Variants in CYTH1 observed in about 807,000 individuals in gnomAD.
CYTH1 encodes the protein cytohesin 1.
A neutral mutation model predicts 61.8 loss-of-function variants in CYTH1; 18 were observed. The ratio of observed to expected loss-of-function variants is 0.29; its 90% CI spans 0.20 to 0.43. The LOEUF (loss-of-function observed/expected upper bound fraction) is 0.43. Among genes scored for constraint, CYTH1 ranks in the 20% least tolerant of loss-of-function variants. The pLI is 1.00. For synonymous variants in CYTH1, 174 were observed against 184.3 expected (o/e 0.94, Z 0.45); for missense variants, 336 against 510.5 (o/e 0.66, Z 3.29).
rs77706587 is a variant in CYTH1, at chr17:78,698,144, C to G, written c.811+125G>C. ...ACATGCATGCGCGTGCACACACACG[C>G]ACGCGCACACATGCACACGCACAAA... On this transcript the variant is annotated intron_variant, in intron 9 of 13. Transcript: ENST00000446868. 2,587 of 799,248 alleles carry G rather than the reference C, an allele frequency of 3.2e-3. 34 individuals carry two copies. In the African/African-American group the frequency reaches 0.039, roughly 12 times the overall value. 49.5% of individuals were successfully genotyped at this position (799,248 alleles called of 1,614,324 possible). A position where few individuals can be genotyped will look rare whatever the true frequency, so the allele number is the denominator to read the frequency against.
chr17:78,720,201 C>T (rs537661725), intron 1 of CYTH1, among the ~76,000 whole-genome samples: 2 of 152,252 alleles, frequency 1.3e-5, no homozygotes, highest in African/African-American at 4.8e-5. Flanking sequence ...GAATGTACTA[C>T]TGAACTTAAC....
chr17:78,751,201 A>AC (rs966281353), intron 1 of CYTH1, among the ~76,000 whole-genome samples: 1 of 151,862 alleles, frequency 6.6e-6, no homozygotes, highest in African/African-American at 2.4e-5. Flanking sequence ...CTGGTCTCAA[A>AC]CCCCTGGGCT....
At chr17:78,768,072 A>T (rs1157015182) in intron 1 of CYTH1, among the ~76,000 whole-genome samples, 1 of 152,208 alleles carries the variant, frequency 6.6e-6, no homozygotes, top group Non-Finnish European at 1.5e-5. Context: ...GTTTTCATTC[A>T]AGACTGGCTC....
chr17:78,724,937 G>A (rs985944509), intron 1 of CYTH1, among the ~76,000 whole-genome samples: 1 of 152,198 alleles, frequency 6.6e-6, no homozygotes, highest in Non-Finnish European at 1.5e-5. Context: ...AGTGTCAAGA[G>A]AGTAGTACTT....
At chr17:78,779,068 T>A (rs1474212860) in intron 1 of CYTH1, among the ~76,000 whole-genome samples, 1 of 152,178 alleles carries the variant, frequency 6.6e-6, no homozygotes, top group Non-Finnish European at 1.5e-5. Context: ...TCAATCTTTT[T>A]AGTTCCTCCA....
intron 1 of CYTH1, among the ~76,000 whole-genome samples, chr17:78,737,455 T>C (rs555715482): frequency 3.3e-5 from 5 of 152,304 alleles, no homozygotes; most frequent in East Asian, 3.9e-4. Context: ...GAAAGCCGAC[T>C]ACATTTTCTT....
At chr17:78,736,717 C>T in intron 1 of CYTH1, 1 of 425,652 alleles carries the variant, frequency 2.3e-6, no homozygotes, top group South Asian at 1.7e-5. Flanking sequence ...TTTTAAGGAC[C>T]ATCTTGTTTC....
Position 78,776,396 on chromosome 17 carries a change from C to A in CYTH1, c.22+5806G>T, listed in dbSNP as rs1220188252. On this transcript the variant is annotated intron_variant, in intron 1 of 13. Coordinates refer to ENST00000446868, the MANE Select transcript of CYTH1 (RefSeq NM_004762.6). The stretch of plus-strand genomic sequence containing the variant: ...CACAAGCCAGGCGCAATGGCTCACA[C>A]CTGTAATCCCGGCACTTTGGGAGGC... Among the ~76,000 whole-genome samples the A allele has an allele frequency of 2.6e-5, 4 of 152,162 alleles. No homozygotes were observed. The East Asian group carries it at 7.7e-4, about 29-fold the overall frequency.
rs193182159 is a variant in CYTH1, at chr17:78,717,667, C to T, written c.23-7935G>A. Among the ~76,000 whole-genome samples, 11 of 152,184 alleles carry T rather than the reference C, an allele frequency of 7.2e-5. No homozygotes were observed. In the East Asian group the frequency reaches 1.7e-3, roughly 24 times the overall value. On this transcript the variant is annotated intron_variant, in intron 1 of 13. Coordinates refer to ENST00000446868, the MANE Select transcript of CYTH1 (RefSeq NM_004762.6). This position sits in a 1 kb window ranked among gnomAD's most constrained non-coding sequence, Gnocchi z 4.4. ...CTCTAGTCTAAAATCCTGCAACCCG[C>T]GCTCCACCGGCCACAGGCAGATGCC...
chr17:78,727,890 G>A, intron 1 of CYTH1: 1 of 342,044 alleles, frequency 2.9e-6, no homozygotes, highest in Non-Finnish European at 5.9e-6. Context: ...GTGAGGAGGA[G>A]CAGAAGGCAG....
intron 1 of CYTH1, among the ~76,000 whole-genome samples, chr17:78,774,406 A>G (rs893192269): frequency 2.6e-5 from 4 of 152,250 alleles, no homozygotes; most frequent in African/African-American, 9.6e-5. Flanking sequence ...TATCATAGAA[A>G]AACAAAGAAA....
At chr17:78,693,205 T>G (rs1299771041) in intron 10 of CYTH1, among the ~76,000 whole-genome samples, 1 of 152,168 alleles carries the variant, frequency 6.6e-6, no homozygotes, top group Non-Finnish European at 1.5e-5. Flanking sequence ...TCTGGGCTTC[T>G]CACCTGGAGC....
At chr17:78,720,791 C>T (rs1023590185) in intron 1 of CYTH1, among the ~76,000 whole-genome samples, 3 of 152,270 alleles carry the variant, frequency 2.0e-5, no homozygotes, top group African/African-American at 4.8e-5. Context: ...GCGAGGACCG[C>T]GTAAGCCCTG....
At chr17:78,767,205 C>T (rs1377627637) in intron 1 of CYTH1, among the ~76,000 whole-genome samples, 4 of 152,082 alleles carry the variant, frequency 2.6e-5, no homozygotes, top group African/African-American at 7.2e-5. Flanking sequence ...TGGTGTCTCA[C>T]GCCTGTAATC....
At chr17:78,693,375 C>T (rs956659409) in intron 10 of CYTH1, among the ~76,000 whole-genome samples, 1 of 152,092 alleles carries the variant, frequency 6.6e-6, no homozygotes, top group Non-Finnish European at 1.5e-5. Flanking sequence ...ATAATCCCAG[C>T]ACTCTGGGAG....
chr17:78,685,003 A>G (rs1467051503), intron 11 of CYTH1, among the ~76,000 whole-genome samples: 1 of 152,134 alleles, frequency 6.6e-6, no homozygotes, highest in African/African-American at 2.4e-5. Context: ...GTTTGAGACC[A>G]GCCTGACCAA....
chr17:78,734,432 CTTTTTTTTTT>C (rs10557033), intron 1 of CYTH1, among the ~76,000 whole-genome samples: 3 of 62,716 alleles, frequency 4.8e-5, no homozygotes, highest in South Asian at 7.0e-4. Flanking sequence ...TAAAAAAAAG[CTTTTTTTTTT>C]TTTTTTTTTT....
chr17:78,683,453 T>C (rs2092784178), intron 11 of CYTH1, among the ~76,000 whole-genome samples: 1 of 152,216 alleles, frequency 6.6e-6, no homozygotes, highest in Admixed American at 6.5e-5. Flanking sequence ...CACTAGGCTG[T>C]CTGCTGGGGA....
At chr17:78,765,535 A>G (rs1296002100) in intron 1 of CYTH1, among the ~76,000 whole-genome samples, 3 of 152,206 alleles carry the variant, frequency 2.0e-5, no homozygotes, top group African/African-American at 7.2e-5. Flanking sequence ...AGAGGAGACA[A>G]GCCTGAAGTG....
Sources: allele counts gnomAD v4.1 joint callset (sites outside exome capture counted in the v4.1 genomes callset), GRCh38; gene constraint gnomAD v4.1.1; non-coding constraint Gnocchi (gnomAD v3.1); transcripts MANE v1.5; gene names NCBI Gene and HGNC (gene_info 2026-07-23, HGNC 2026-07-21).